Variants in NBN observed in about 807,000 individuals in gnomAD.
NBN encodes the protein nibrin, also known as Nijmegen breakage syndrome 1 (nibrin).
In NBN, 88 loss-of-function variants were observed where a neutral mutation model predicts 90.8. The ratio of observed to expected loss-of-function variants is 0.97; its 90% CI spans 0.82 to 1.16. NBN has a LOEUF of 1.16. Among genes scored for constraint, NBN ranks in the 50% most tolerant of loss-of-function variants. The probability of loss-of-function intolerance (pLI) is 0.00; values close to 1 mark genes in which losing one functional copy is unlikely to be tolerated. For missense variants in NBN, 894 were observed against 869.6 expected (o/e 1.03, Z -0.35); for synonymous variants, 328 against 295.1 (o/e 1.11, Z -1.14).
At position 89,933,540 on chromosome 8, in the gene NBN, T is replaced by C; in HGVS notation, c.*2042A>G. The C allele has an allele frequency of 4.3e-6, 1 of 231,528 alleles. No homozygotes were observed. The highest frequency in any genetic ancestry group is 5.6e-5 in the Admixed American group (1 of 17,746). The allele number at this position is 231,528 out of a possible 1,614,324, so 14.3% of individuals were successfully genotyped here. A position where few individuals can be genotyped will look rare whatever the true frequency, so the allele number is the denominator to read the frequency against. On this transcript the variant is annotated 3_prime_UTR_variant, in exon 16 of 16. Coordinates refer to ENST00000265433, the MANE Select transcript of NBN (RefSeq NM_002485.5). ...AGGTAATTTAATGAGGAAAGGATAA[T>C]TCTTTCAATAAACAGTGTTACAATG...
rs13312971 is a variant in NBN, at chr8:89,936,869, T to C, written c.2234+157A>G. Among the ~76,000 whole-genome samples the C allele has an allele frequency of 0.042, 6,426 of 152,224 alleles. 247 individuals carry two copies. Among genetic ancestry groups the C allele is most frequent in the East Asian group, 0.17 (886 of 5,166 alleles). Reference sequence around the variant, plus strand: ...TCGATGCTATAGCCAATAAACCCAATTGAGAGGTGCTTAAGTAATAAAAAT... The same window carrying C: ...TCGATGCTATAGCCAATAAACCCAACTGAGAGGTGCTTAAGTAATAAAAAT... On this transcript the variant is annotated intron_variant, in intron 15 of 15. Coordinates refer to ENST00000265433, the MANE Select transcript of NBN (RefSeq NM_002485.5).
Position 89,935,084 on chromosome 8 carries a change from G to A in NBN, c.*498C>T, listed in dbSNP as rs549386727. On this transcript the variant is annotated 3_prime_UTR_variant, in exon 16 of 16. Coordinates refer to ENST00000265433, the MANE Select transcript of NBN (RefSeq NM_002485.5). ...GAAAAAATATTAAAAACATTATATT[G>A]ATATTCCTATAATTTTTAATCTACT... 8 of 234,094 alleles carry A rather than the reference G, an allele frequency of 3.4e-5. No individual in the cohort carries two copies. Among genetic ancestry groups the A allele is most frequent in the Non-Finnish European group, 5.9e-5 (7 of 118,934 alleles). The allele number at this position is 234,094 out of a possible 1,614,324, so 14.5% of individuals were successfully genotyped here.
chr8:89,981,676 C>CGAA, intron 2 of NBN, 153 bp from the exon 3 acceptor site: 1 of 752,034 alleles, frequency 1.3e-6, no homozygotes, highest in Non-Finnish European at 2.1e-6. Flanking sequence ...AGAGGAAGAT[C>CGAA]ACTCAACTAA....
intron 5 of NBN, 89 bp from the exon 6 acceptor site, chr8:89,971,379 G>A: frequency 1.4e-6 from 2 of 1,406,562 alleles, no homozygotes; most frequent in East Asian, 2.6e-5. Flanking sequence ...CACTCAAAAG[G>A]CATAATTTCC....
intron 3 of NBN, 36 bp from the exon 4 acceptor site, chr8:89,980,929 T>C: frequency 6.3e-7 from 1 of 1,599,584 alleles, no homozygotes; most frequent in Non-Finnish European, 8.5e-7. Flanking sequence ...AGTCATAGTA[T>C]CAGAGTTGCA....
chr8:89,953,761 C>T, intron 10 of NBN, 70 bp from the exon 11 acceptor site: 1 of 1,144,340 alleles, frequency 8.7e-7, no homozygotes, highest in Non-Finnish European at 1.3e-6. Flanking sequence ...TTTAGTTTGG[C>T]AATATTCATC....
intron 9 of NBN, among the ~76,000 whole-genome samples, chr8:89,957,717 C>A (rs1214959447): frequency 2.0e-5 from 3 of 152,068 alleles, no homozygotes; most frequent in Non-Finnish European, 2.9e-5. Context: ...TACACAAATA[C>A]TTCCCATTGT....
chr8:89,953,615 G>A lies in NBN; in HGVS notation c.1474C>T (p.Gln492Ter), dbSNP rs587782130. Reference sequence around the variant, plus strand: ...AATGAGGGTGTAGCAGGTTGTGTTTGTTCTAAAAGAGAACAAGACGTTTCT... The same window carrying A: ...AATGAGGGTGTAGCAGGTTGTGTTTATTCTAAAAGAGAACAAGACGTTTCT... ...RIETSCSLLE[Q>*]TQPATPSLWK... The change falls in exon 11 of 16, where the codon CAA becomes TAA. Residue 492 changes from glutamine (Q) to a stop codon, truncating the protein, a stop_gained. Coordinates refer to ENST00000265433, the MANE Select transcript of NBN (RefSeq NM_002485.5). LOFTEE classifies it high-confidence loss of function. 3 of 1,613,190 alleles carry A rather than the reference G, an allele frequency of 1.9e-6. No homozygotes were observed. Among genetic ancestry groups the A allele is most frequent in the Non-Finnish European group, 2.5e-6 (3 of 1,179,650 alleles).
In NBN at chr8:89,935,395, TG is replaced by T; in HGVS notation, c.*186del. The T allele has an allele frequency of 1.5e-6, 1 of 655,028 alleles. No individual in the cohort carries two copies. The highest frequency in any genetic ancestry group is 2.6e-6 in the Non-Finnish European group (1 of 390,520). The allele number at this position is 655,028 out of a possible 1,614,324, so 40.6% of individuals were successfully genotyped here. On this transcript the variant is annotated 3_prime_UTR_variant, in exon 16 of 16. Transcript: ENST00000265433. ...GAAAAAAAGATGCAATGACAAAGCC[TG>T]AAAACAGAACAAACAATTGTTACAT...
chr8:89,973,728 G>C (rs528815267), intron 5 of NBN, among the ~76,000 whole-genome samples: 1 of 152,258 alleles, frequency 6.6e-6, no homozygotes, highest in South Asian at 2.1e-4. Context: ...AAGCATTTCT[G>C]ACACTCTAGT....
chr8:89,953,904 G>A lies in NBN; in HGVS notation c.1398-213C>T, dbSNP rs570875542. On this transcript the variant is annotated intron_variant, in intron 10 of 15. Coordinates refer to ENST00000265433, the MANE Select transcript of NBN (RefSeq NM_002485.5). ...TTTTGATAGAACTGACGGACCCTGTGGCTAAAGCAGTACGGTGATCTCTAT... is the reference window on the plus strand; with the variant it reads ...TTTTGATAGAACTGACGGACCCTGTAGCTAAAGCAGTACGGTGATCTCTAT... 2.6e-5 allele frequency among the ~76,000 whole-genome samples: 4 copies of A among 152,202 alleles called. No individual in the cohort carries two copies. The East Asian group carries it at 7.7e-4, about 29-fold the overall frequency.
intron 2 of NBN, among the ~76,000 whole-genome samples, chr8:89,982,225 T>C (rs1486029166): frequency 1.3e-5 from 2 of 152,152 alleles, no homozygotes; most frequent in Non-Finnish European, 2.9e-5. Context: ...AGCATTTCCC[T>C]AATAAAACAA....
chr8:89,958,849 T>G lies in NBN; in HGVS notation c.1000A>C (p.Lys334Gln). ...DPQGHPSTGL[K>Q]TTTPGPSLSQ... The stretch of plus-strand genomic sequence containing the variant: ...AGGCTTGGTCCTGGAGTTGTTGTCT[T>G]TAATCCTGTAAATCACACAAGTAGA... The change falls in exon 9 of 16, where the codon AAG becomes CAG. Residue 334 changes from lysine (K) to glutamine (Q), a missense_variant. Transcript: ENST00000265433. 1 of 1,613,732 alleles carries G rather than the reference T, an allele frequency of 6.2e-7. No homozygotes were observed. The highest frequency in any genetic ancestry group is 8.5e-7 in the Non-Finnish European group (1 of 1,179,678).
chr8:89,975,161 T>C (rs2129865727), intron 5 of NBN, among the ~76,000 whole-genome samples: 1 of 152,356 alleles, frequency 6.6e-6, no homozygotes, highest in South Asian at 2.1e-4. Flanking sequence ...TTGCAAATCA[T>C]TTCATGTACA....
At chr8:89,975,974 T>A (rs1563569536) in intron 5 of NBN, among the ~76,000 whole-genome samples, 1 of 152,212 alleles carries the variant, frequency 6.6e-6, no homozygotes, top group Non-Finnish European at 1.5e-5. Flanking sequence ...TTTGTAGTTA[T>A]GTCGGTGAAG....
At chr8:89,962,617 G>A (rs1811043575) in intron 8 of NBN, among the ~76,000 whole-genome samples, 1 of 152,032 alleles carries the variant, frequency 6.6e-6, no homozygotes, top group South Asian at 2.1e-4. Flanking sequence ...CTGGGAATTT[G>A]GTGAAAATAT....
chr8:89,952,975 G>C (rs935852069), intron 11 of NBN, among the ~76,000 whole-genome samples: 1 of 152,018 alleles, frequency 6.6e-6, no homozygotes, highest in South Asian at 2.1e-4. Flanking sequence ...TATCATCATA[G>C]CCAAATGTCT....
chr8:89,960,496 T>G (rs897600965), intron 8 of NBN, among the ~76,000 whole-genome samples: 2 of 151,790 alleles, frequency 1.3e-5, no homozygotes, highest in Non-Finnish European at 2.9e-5. Context: ...ACAAAAAAAT[T>G]TAAAAATTAG....
rs1563512637 is a variant in NBN, at chr8:89,946,091, T to C, written c.2070+49A>G. 3.6e-6 allele frequency: 5 copies of C among 1,398,928 alleles called. No homozygotes were observed. In the South Asian group the frequency reaches 4.7e-5, roughly 13 times the overall value. 86.7% of individuals were successfully genotyped at this position (1,398,928 alleles called of 1,614,324 possible). On this transcript the variant is annotated intron_variant, in intron 13 of 15. Coordinates refer to ENST00000265433, the MANE Select transcript of NBN (RefSeq NM_002485.5). ...CTTTGTTTAGCATCACTGGTATCTC[T>C]AAAAACATTTCAAACACTGACCTCT...
Sources: allele counts gnomAD v4.1 joint callset (sites outside exome capture counted in the v4.1 genomes callset), GRCh38; gene constraint gnomAD v4.1.1; transcripts MANE v1.5; gene names NCBI Gene and HGNC (gene_info 2026-07-23, HGNC 2026-07-21).